MDN1: variants seen among roughly 807,000 people sequenced by gnomAD.
MDN1 encodes the protein midasin.
A neutral mutation model predicts 669.2 loss-of-function variants in MDN1; 266 were observed. The observed-to-expected ratio is 0.40, with a 90% CI of 0.36 to 0.44. The LOEUF is 0.44. Among genes scored for constraint, MDN1 ranks in the 20% least tolerant of loss-of-function variants. The pLI is 1.00. For synonymous variants in MDN1, 2,385 were observed against 2,457.1 expected, an observed-to-expected ratio of 0.97 and a Z score of 0.87; for missense variants, 5,940 against 6,754.0, an observed-to-expected ratio of 0.88 and a Z score of 4.22.
intron 22 of MDN1, 124 bp from the exon 23 acceptor site, chr6:89,751,706 A>G (rs1470263): frequency 0.33 from 329,415 of 997,868 alleles, 58,870 homozygotes; most frequent in East Asian, 0.72. Context: ...CAACATTAAA[A>G]CTGGATGAAA....
intron 43 of MDN1, among the ~76,000 whole-genome samples, chr6:89,717,116 G>A (rs1814428214): frequency 2.0e-5 from 3 of 152,212 alleles, no homozygotes; most frequent in African/African-American, 7.2e-5. Flanking sequence ...CCACCTATCA[G>A]TGCATTTATA....
chr6:89,739,028 T>G (rs1816150026), intron 32 of MDN1, among the ~76,000 whole-genome samples: 2 of 152,256 alleles, frequency 1.3e-5, no homozygotes. Context: ...CACAAATGTT[T>G]GCAATGCCAC....
At chr6:89,767,295 C>T (rs1817848249) in intron 15 of MDN1, among the ~76,000 whole-genome samples, 1 of 151,970 alleles carries the variant, frequency 6.6e-6, no homozygotes, top group South Asian at 2.1e-4. Flanking sequence ...CATATCATGC[C>T]AACACTAATC....
intron 13 of MDN1, 107 bp downstream of exon 13, chr6:89,774,513 AT>A (rs951631682): frequency 2.6e-6 from 2 of 770,974 alleles, no homozygotes; most frequent in Non-Finnish European, 4.5e-6. Context: ...TACTACAGAT[AT>A]CACAGTTCAG....
At chr6:89,791,625 T>C (rs1279087418) in intron 5 of MDN1, among the ~76,000 whole-genome samples, 3 of 152,140 alleles carry the variant, frequency 2.0e-5, no homozygotes, top group African/African-American at 4.8e-5. Context: ...TAAAAAAGAA[T>C]ATTAAAACAC....
intron 63 of MDN1, among the ~76,000 whole-genome samples, chr6:89,691,039 A>G (rs1812345622): frequency 6.6e-6 from 1 of 152,230 alleles, no homozygotes; most frequent in Non-Finnish European, 1.5e-5. Flanking sequence ...CCAGTTTCCT[A>G]AATCCCCCCT....
In MDN1 at chr6:89,650,161, T is replaced by C. The variant is rs1808750739; in HGVS notation, c.16069A>G (p.Lys5357Glu). The C allele has an allele frequency of 6.2e-7, 1 of 1,614,168 alleles. No individual in the cohort carries two copies. The highest frequency in any genetic ancestry group is 1.3e-5 in the African/African-American group (1 of 75,060). ...YRTGKRLNIR[K>E]VIPYIASQFR... The stretch of plus-strand genomic sequence containing the variant: ...TGACTAGCAATGTATGGAATGACTT[T>C]CCGTATGTTTAGTCGTTTCCCAGTT... Residue 5357 changes from lysine (K) to glutamate (E), a missense_variant, in exon 97 of 102, where the codon AAA (lysine) becomes GAA (glutamate). Transcript: ENST00000369393.
At position 89,783,277 on chromosome 6, in the gene MDN1, CG is replaced by C. The variant is rs961122770; in HGVS notation, c.1450-1686del. On this transcript the variant is annotated intron_variant, in intron 9 of 101. Transcript: ENST00000369393. ...ATACCCCGGGAAAGGAATGCATTCC[CG>C]GGGGGGAGGTCTATAAATGGCCGCT... 2.0e-5 allele frequency among the ~76,000 whole-genome samples: 3 copies of C among 152,012 alleles called. No homozygotes were observed. In the East Asian group the frequency reaches 5.8e-4, roughly 29 times the overall value.
intron 9 of MDN1, among the ~76,000 whole-genome samples, chr6:89,782,638 A>AATC (rs1161615221): frequency 7.1e-6 from 1 of 141,366 alleles, no homozygotes; most frequent in Non-Finnish European, 1.6e-5. Flanking sequence ...TAATAATAAT[A>AATC]ATAAGATATA....
chr6:89,744,122 A>AAAAC lies in MDN1; in HGVS notation c.4179-409_4179-408insGTTT, dbSNP rs1554190575. On this transcript the variant is annotated intron_variant, in intron 29 of 101. Transcript: ENST00000369393. ...CCTTCTTAAAAAAAAAAAAAAAAAA[A>AAAAC]AAAAAAAAACCACCACCAAGAGAGG... is the stretch of plus-strand genomic sequence containing the variant. Among the ~76,000 whole-genome samples the AAAAC allele has an allele frequency of 2.1e-3, 257 of 122,572 alleles. 13 individuals are homozygous for AAAAC. Among genetic ancestry groups the AAAAC allele is most frequent in the South Asian group, 3.4e-3 (12 of 3,480 alleles). The allele number at this position is 122,572 out of a possible 152,430, so 80.4% of individuals were successfully genotyped here. A position where few individuals can be genotyped will look rare whatever the true frequency, so the allele number is the denominator to read the frequency against.
intron 17 of MDN1, among the ~76,000 whole-genome samples, chr6:89,759,445 AT>A (rs1481767524): frequency 1.3e-5 from 2 of 152,142 alleles, no homozygotes; most frequent in Non-Finnish European, 2.9e-5. Flanking sequence ...CCTAGATTTA[AT>A]TGGTTTTAGA....
At position 89,695,511 on chromosome 6, in the gene MDN1, C is replaced by T. The variant is rs1812674543; in HGVS notation, c.9771+94G>A. ...TATGCAATATCATGCTTGTGATGAT[C>T]TGAGCACCCAAAAGGGAATAAAAGG... On this transcript the variant is annotated intron_variant, in intron 61 of 101. Coordinates refer to ENST00000369393, the MANE Select transcript of MDN1 (RefSeq NM_014611.3). The surrounding 1 kb of genome is among the most constrained non-coding windows in gnomAD (Gnocchi z 4.1). The T allele has an allele frequency of 1.2e-5, 17 of 1,454,656 alleles. No homozygotes were observed. The highest frequency in any genetic ancestry group is 1.5e-5 in the Non-Finnish European group (16 of 1,078,958). The allele number at this position is 1,454,656 out of a possible 1,614,324, so 90.1% of individuals were successfully genotyped here.
intron 10 of MDN1, chr6:89,781,114 C>T (rs1011397393): frequency 2.5e-6 from 1 of 399,134 alleles, no homozygotes; most frequent in Non-Finnish European, 4.7e-6. Flanking sequence ...GAGCCACTCC[C>T]AAGTTGGTCT....
chr6:89,782,108 C>A (rs1818703660), intron 9 of MDN1, among the ~76,000 whole-genome samples: 1 of 152,174 alleles, frequency 6.6e-6, no homozygotes, highest in African/African-American at 2.4e-5. Flanking sequence ...TTTCTTCCTA[C>A]CCAGAACTCA....
chr6:89,817,348 TA>T (rs1768909484), intron 1 of MDN1, among the ~76,000 whole-genome samples: 2 of 152,200 alleles, frequency 1.3e-5, no homozygotes, highest in African/African-American at 4.8e-5. Flanking sequence ...GGGAGTACCT[TA>T]ATCTGTTAAT....
At chr6:89,731,017 G>C (rs1815563291) in intron 34 of MDN1, 94 bp from the exon 35 acceptor site, 1 of 1,130,636 alleles carries the variant, frequency 8.8e-7, no homozygotes, top group Non-Finnish European at 1.3e-6. Flanking sequence ...CCGGAAAAAA[G>C]AGGCCTCAGC....
At chr6:89,817,381 C>T (rs1449251782) in intron 1 of MDN1, among the ~76,000 whole-genome samples, 1 of 152,190 alleles carries the variant, frequency 6.6e-6, no homozygotes, top group African/African-American at 2.4e-5. Flanking sequence ...ACATTTACTG[C>T]CTACTGCATA....
intron 43 of MDN1, among the ~76,000 whole-genome samples, 186 bp from the exon 44 acceptor site, chr6:89,716,995 T>C (rs1202137338): frequency 1.3e-5 from 2 of 152,194 alleles, no homozygotes; most frequent in Non-Finnish European, 2.9e-5. Context: ...AGAAAATACG[T>C]TTTAATGGCT....
At chr6:89,795,813 ATGG>A (rs1387795619) in intron 2 of MDN1, among the ~76,000 whole-genome samples, 1 of 151,888 alleles carries the variant, frequency 6.6e-6, no homozygotes, top group Non-Finnish European at 1.5e-5. Context: ...TTAGCCGGGC[ATGG>A]TGGTGGCTCA....
Sources: allele counts gnomAD v4.1 joint callset (sites outside exome capture counted in the v4.1 genomes callset), GRCh38; gene constraint gnomAD v4.1.1; non-coding constraint Gnocchi (gnomAD v3.1); transcripts MANE v1.5; gene names NCBI Gene and HGNC (gene_info 2026-07-23, HGNC 2026-07-21).